TTC19: variants seen among roughly 807,000 people sequenced by gnomAD.
TTC19 encodes the protein tetratricopeptide repeat protein 19, mitochondrial.
Under a neutral mutation model 49.5 loss-of-function variants are expected in TTC19, and 38 were observed. The observed-to-expected ratio is 0.77, with a 90% CI of 0.59 to 1.01. TTC19 has a LOEUF of 1.01. Ranked by LOEUF, TTC19 falls within the 50% of genes least tolerant of loss-of-function variation. The pLI, the probability that TTC19 is intolerant of heterozygous loss-of-function variation, is 0.00. For synonymous variants in TTC19, 204 were observed against 185.2 expected (o/e 1.10, Z -0.83); for missense variants, 475 against 477.7 (o/e 0.99, Z 0.05).
chr17:16,002,719 G>T, intron 3 of TTC19, 74 bp from the exon 4 acceptor site: 3 of 1,442,078 alleles, frequency 2.1e-6, no homozygotes, highest in Non-Finnish European at 2.9e-6. Context: ...GAAAGCAAAA[G>T]GGAATTTTAA....
At chr17:16,006,603 C>G in intron 7 of TTC19, 35 bp downstream of exon 7, 1 of 1,305,228 alleles carries the variant, frequency 7.7e-7, no homozygotes, top group Non-Finnish European at 1.1e-6. Context: ...TGCCTTTTCT[C>G]CACAAAAGGC....
chr17:16,033,351 A>G (rs1597511513), downstream of TTC19, among the ~76,000 whole-genome samples: 1 of 151,848 alleles, frequency 6.6e-6, no homozygotes, highest in East Asian at 1.9e-4. Context: ...AAAAAAAAAA[A>G]AAAACCCAAA....
chr17:16,010,987 G>C (rs1174824701), intron 7 of TTC19, among the ~76,000 whole-genome samples: 8 of 152,150 alleles, frequency 5.3e-5, no homozygotes, highest in Non-Finnish European at 1.0e-4. Flanking sequence ...ATTTCCTTTT[G>C]TGTACGTTTT....
downstream of TTC19, among the ~76,000 whole-genome samples, chr17:16,033,931 A>G (rs1973241422): frequency 6.6e-6 from 1 of 151,666 alleles, no homozygotes; most frequent in South Asian, 2.1e-4. Context: ...TCTGACCTCA[A>G]GTGATCTGCC....
In TTC19 at chr17:16,025,987, T is replaced by A. The variant is rs529517230; in HGVS notation, c.832-553T>A. Among the ~76,000 whole-genome samples the A allele has an allele frequency of 1.3e-4, 20 of 152,238 alleles. No individual in the cohort carries two copies. The South Asian group carries it at 3.9e-3, about 30-fold the overall frequency. On this transcript the variant is annotated intron_variant, in intron 8 of 9. Coordinates refer to ENST00000261647, the MANE Select transcript of TTC19 (RefSeq NM_017775.4). ...CTCCAAGTACTAGAGTCAGGGGGCT[T>A]AAAGCATGGCATCAGTGGGGAAGTA...
chr17:16,024,963 G>C, intron 7 of TTC19, 54 bp from the exon 8 acceptor site: 1 of 1,555,358 alleles, frequency 6.4e-7, no homozygotes, highest in Non-Finnish European at 8.9e-7. Context: ...ACATATTTGT[G>C]GGTCCTGGTA....
exon 3 of TTC19, chr17:16,044,812 G>T (rs2058386755): frequency 1.8e-6 from 2 of 1,103,118 alleles, no homozygotes; most frequent in African/African-American, 1.5e-5. Flanking sequence ...ACAATGTAGG[G>T]GCTGGTGGAC....
At chr17:16,039,713 A>G (rs2057182527) in intron 2 of TTC19, 4 of 1,446,954 alleles carry the variant, frequency 2.8e-6, no homozygotes, top group South Asian at 1.2e-5. Flanking sequence ...GGAAACAAAC[A>G]TGCATTGCCC....
intron 2 of TTC19, among the ~76,000 whole-genome samples, chr17:16,038,745 C>G (rs907222343): frequency 1.3e-5 from 2 of 151,006 alleles, no homozygotes; most frequent in African/African-American, 4.9e-5. Flanking sequence ...TTATGGCTTA[C>G]GATTATTTTA....
chr17:16,000,917 T>A (rs1309467915), intron 2 of TTC19, among the ~76,000 whole-genome samples: 1 of 152,218 alleles, frequency 6.6e-6, no homozygotes, highest in Admixed American at 6.5e-5. Context: ...AACCTCATAG[T>A]CATTCTTAAA....
chr17:16,036,529 G>T (rs1371980637), intron 2 of TTC19, among the ~76,000 whole-genome samples: 1 of 152,220 alleles, frequency 6.6e-6, no homozygotes, highest in African/African-American at 2.4e-5. Flanking sequence ...CTACATGGAA[G>T]ATCTGTTGTT....
Position 16,027,829 on chromosome 17 carries a change from C to T in TTC19, c.*307C>T. On this transcript the variant is annotated 3_prime_UTR_variant, in exon 10 of 10. Coordinates refer to ENST00000261647, the MANE Select transcript of TTC19 (RefSeq NM_017775.4). ...CTGTAGATTCATATGGGCTGGTGTTCCTGTGCGCTGTGGGTGTGGTGATTC... is the reference window on the plus strand; with the variant it reads ...CTGTAGATTCATATGGGCTGGTGTTTCTGTGCGCTGTGGGTGTGGTGATTC... 1 of 494,354 alleles carries T rather than the reference C, an allele frequency of 2.0e-6. No homozygotes were observed. Among genetic ancestry groups the T allele is most frequent in the South Asian group, 1.5e-5 (1 of 64,816 alleles). 30.6% of individuals were successfully genotyped at this position (494,354 alleles called of 1,614,324 possible).
At chr17:16,004,003 C>T (rs1567577587) in intron 5 of TTC19, 116 bp downstream of exon 5, 3 of 1,211,980 alleles carry the variant, frequency 2.5e-6, no homozygotes, top group Admixed American at 1.9e-5. Context: ...TGGAGTTTCC[C>T]TTCTGAGATC....
At chr17:16,036,461 CAA>C (rs1416420632) in intron 2 of TTC19, among the ~76,000 whole-genome samples, 1 of 152,190 alleles carries the variant, frequency 6.6e-6, no homozygotes, top group Non-Finnish European at 1.5e-5. Context: ...TAGCCCCTAA[CAA>C]GAGAGTCAGC....
intron 2 of TTC19, chr17:16,034,855 G>A (rs1973854213): frequency 2.5e-6 from 4 of 1,613,964 alleles, no homozygotes; most frequent in South Asian, 2.2e-5. Flanking sequence ...GAAGAGGGCC[G>A]TTCCGTTCCT....
Position 16,027,409 on chromosome 17 carries a change from G to T in TTC19, c.1030G>T (p.Ala344Ser), listed in dbSNP as rs772445286. 1.9e-6 allele frequency: 3 copies of T among 1,614,102 alleles called. No individual in the cohort carries two copies. In the Admixed American group the frequency reaches 5.0e-5, roughly 27 times the overall value. Residue 344 changes from alanine (A) to serine (S), a missense_variant, in exon 10 of 10, where the codon GCA becomes TCA. Physicochemically the swap from Ala to Ser is moderately conservative, Grantham distance 99 (BLOSUM62 1). Coordinates refer to ENST00000261647, the MANE Select transcript of TTC19 (RefSeq NM_017775.4). ...ACAAGCAAAAGAGATCTACCAGGAA[G>T]CACTGAAGCAAGCAAAGCTGAAAAA... ...YTQAKEIYQE[A>S]LKQAKLKKDE...
chr17:16,039,627 A>G (rs768282882), intron 2 of TTC19: 1 of 1,614,116 alleles, frequency 6.2e-7, no homozygotes, highest in South Asian at 1.1e-5. Context: ...AGGATCAGCA[A>G]AAGAATGGCC....
intron 2 of TTC19, chr17:16,039,593 G>A (rs2057157903): frequency 6.2e-7 from 1 of 1,614,000 alleles, no homozygotes; most frequent in Non-Finnish European, 8.5e-7. Context: ...TCCTGATAAT[G>A]TCTTCCAGCC....
At chr17:16,038,386 G>A (rs780237951) in intron 2 of TTC19, among the ~76,000 whole-genome samples, 46 of 152,026 alleles carry the variant, frequency 3.0e-4, no homozygotes, top group Non-Finnish European at 5.7e-4. Flanking sequence ...TTAGCATTCC[G>A]GATGATGTGA....
Sources: allele counts gnomAD v4.1 joint callset (sites outside exome capture counted in the v4.1 genomes callset), GRCh38; gene constraint gnomAD v4.1.1; transcripts MANE v1.5; gene names NCBI Gene and HGNC (gene_info 2026-07-23, HGNC 2026-07-21).